Variants in SIPA1L1 observed in about 807,000 individuals in gnomAD.
The protein encoded by SIPA1L1 is signal-induced proliferation-associated 1-like protein 1.
A neutral mutation model predicts 162.7 loss-of-function variants in SIPA1L1; 26 were observed. That is an observed-to-expected ratio of 0.16 (90% CI 0.12 to 0.22). The LOEUF (loss-of-function observed/expected upper bound fraction) is 0.22. SIPA1L1 is among the 10% of genes least tolerant of loss of function. The pLI is 1.00. For synonymous variants in SIPA1L1, 829 were observed against 837.4 expected (o/e 0.99, Z 0.17); for missense variants, 1,874 against 2,241.0 (o/e 0.84, Z 3.31).
chr14:71,373,310 CAAAA>C (rs75480788), intron 2 of SIPA1L1, among the ~76,000 whole-genome samples: 5 of 74,116 alleles, frequency 6.7e-5, no homozygotes, highest in African/African-American at 1.5e-4. Flanking sequence ...GACTCCGTCT[CAAAA>C]AAAAAAAAAA....
At chr14:71,639,906 G>GT (rs975414202) in intron 7 of SIPA1L1, among the ~76,000 whole-genome samples, 3 of 92,856 alleles carry the variant, frequency 3.2e-5, no homozygotes, top group Non-Finnish European at 6.1e-5. Context: ...GGGTTTTTTT[G>GT]TTTTTTTGTT....
chr14:71,552,493 G>A lies in SIPA1L1; in HGVS notation c.-303+23123G>A, dbSNP rs183304043. On this transcript the variant is annotated intron_variant, in intron 4 of 23. Coordinates refer to ENST00000381232, the MANE Select transcript of SIPA1L1 (RefSeq NM_001386936.1). ...TGCAAGCTCCGCCTCCCAGGTTCAC[G>A]ACATTCTCCTGCCTCAGCCTCCCGA... Among the ~76,000 whole-genome samples, 125 of 151,258 alleles carry A rather than the reference G, an allele frequency of 8.3e-4. 1 individual carries two copies. In the East Asian group the frequency reaches 0.011, roughly 13 times the overall value.
chr14:71,703,928 A>G (rs767862775), intron 15 of SIPA1L1, among the ~76,000 whole-genome samples: 1 of 152,146 alleles, frequency 6.6e-6, no homozygotes, highest in Non-Finnish European at 1.5e-5. Context: ...CCCACTCTTA[A>G]TAGATAAGAC....
At chr14:71,509,471 G>A (rs767868285) in intron 2 of SIPA1L1, among the ~76,000 whole-genome samples, 2 of 152,150 alleles carry the variant, frequency 1.3e-5, no homozygotes, top group Admixed American at 6.5e-5. Context: ...AGCTGGGCAC[G>A]GTGGCTCACG....
At chr14:71,356,212 T>A (rs1176358806) in intron 2 of SIPA1L1, among the ~76,000 whole-genome samples, 1 of 152,144 alleles carries the variant, frequency 6.6e-6, no homozygotes, top group East Asian at 1.9e-4. Context: ...ACCCCCAATT[T>A]GCTTATTTGC....
chr14:71,446,924 T>TA (rs2045437521), intron 2 of SIPA1L1, among the ~76,000 whole-genome samples: 1 of 114,122 alleles, frequency 8.8e-6, no homozygotes, highest in Admixed American at 9.1e-5. Context: ...TTTTTTTTTT[T>TA]TTTTTGAGAC....
rs907763664 is a variant in SIPA1L1 at position 71,344,844 on chromosome 14, G to A, written c.-465+23663G>A. Reference sequence around the variant, plus strand: ...GTCTCCCAAACTGCTAGGAGGTGTCGTGAGCCACTGTGCCTGGCATGCCAA... The same window carrying A: ...GTCTCCCAAACTGCTAGGAGGTGTCATGAGCCACTGTGCCTGGCATGCCAA... On this transcript the variant is annotated intron_variant, in intron 2 of 23. Coordinates refer to ENST00000381232, the MANE Select transcript of SIPA1L1 (RefSeq NM_001386936.1). Among the ~76,000 whole-genome samples, 7 of 152,144 alleles carry A rather than the reference G, an allele frequency of 4.6e-5. No homozygotes were observed. The East Asian group carries it at 7.7e-4, about 17-fold the overall frequency.
At position 71,538,071 on chromosome 14, in the gene SIPA1L1, T is replaced by C. The variant is rs554689113; in HGVS notation, c.-303+8701T>C. ...AAGATTCACTCTCTCCTTTCTAATTTCTTACCAGATGAATTCCTCCTTCAT... is the reference window on the plus strand; with the variant it reads ...AAGATTCACTCTCTCCTTTCTAATTCCTTACCAGATGAATTCCTCCTTCAT... On this transcript the variant is annotated intron_variant, in intron 4 of 23. Transcript: ENST00000381232. Among the ~76,000 whole-genome samples the C allele has an allele frequency of 5.9e-5, 9 of 152,338 alleles. No homozygotes were observed. The South Asian group carries it at 1.5e-3, about 25-fold the overall frequency.
At chr14:71,465,925 T>C (rs2142028143) in intron 2 of SIPA1L1, among the ~76,000 whole-genome samples, 1 of 152,264 alleles carries the variant, frequency 6.6e-6, no homozygotes, top group Non-Finnish European at 1.5e-5. Context: ...AGTCTCGCCT[T>C]TTCACATTCT....
intron 4 of SIPA1L1, chr14:71,576,432 G>T (rs1381374064): frequency 6.6e-6 from 1 of 152,220 alleles, no homozygotes; most frequent in Admixed American, 6.5e-5. Context: ...TATTGAACAA[G>T]CATGCTCTGA....
chr14:71,614,768 C>CA (rs1033747276), intron 5 of SIPA1L1, among the ~76,000 whole-genome samples: 4 of 151,960 alleles, frequency 2.6e-5, no homozygotes, highest in African/African-American at 9.7e-5. Flanking sequence ...GGAAAAGTTA[C>CA]AAAAAAATGT....
chr14:71,733,925 G>T, intron 21 of SIPA1L1, 113 bp downstream of exon 21: 1 of 1,158,060 alleles, frequency 8.6e-7, no homozygotes, highest in Non-Finnish European at 1.2e-6. Context: ...CACCAGATGA[G>T]CTATCAGTTA....
At chr14:71,637,175 A>T (rs1183005171) in intron 7 of SIPA1L1, among the ~76,000 whole-genome samples, 1 of 151,578 alleles carries the variant, frequency 6.6e-6, no homozygotes, top group African/African-American at 2.4e-5. Context: ...CTTTGAAAAG[A>T]TGATAAAATT....
At chr14:71,390,595 T>C (rs1375002355) in intron 2 of SIPA1L1, among the ~76,000 whole-genome samples, 1 of 151,964 alleles carries the variant, frequency 6.6e-6, no homozygotes, top group African/African-American at 2.4e-5. Flanking sequence ...CTGGACAACA[T>C]GGTGAAGCCC....
At chr14:71,520,262 A>G (rs1011533087) in intron 3 of SIPA1L1, among the ~76,000 whole-genome samples, 4 of 152,250 alleles carry the variant, frequency 2.6e-5, no homozygotes, top group Admixed American at 2.6e-4. Context: ...AGCCTGGCAG[A>G]TACCACCTTA....
intron 5 of SIPA1L1, among the ~76,000 whole-genome samples, chr14:71,602,630 A>G (rs1273249471): frequency 6.6e-6 from 1 of 152,214 alleles, no homozygotes; most frequent in Non-Finnish European, 1.5e-5. Context: ...TTCTGTCTGG[A>G]TGATCTGTCT....
At chr14:71,549,482 A>T (rs2041953653) in intron 4 of SIPA1L1, among the ~76,000 whole-genome samples, 1 of 151,948 alleles carries the variant, frequency 6.6e-6, no homozygotes, top group Non-Finnish European at 1.5e-5. Flanking sequence ...TTCTCTTATT[A>T]TTTCTGCCTA....
intron 2 of SIPA1L1, among the ~76,000 whole-genome samples, chr14:71,349,150 G>T (rs929399176): frequency 4.6e-5 from 7 of 152,214 alleles, no homozygotes; most frequent in African/African-American, 9.6e-5. Context: ...AACTTTCTAT[G>T]CTTACATTTG....
intron 6 of SIPA1L1, among the ~76,000 whole-genome samples, chr14:71,621,757 C>G (rs1596469261): frequency 6.6e-6 from 1 of 152,128 alleles, no homozygotes; most frequent in African/African-American, 2.4e-5. Context: ...TCAAATGGTG[C>G]CTTGCCTCCC....
Sources: allele counts gnomAD v4.1 joint callset (sites outside exome capture counted in the v4.1 genomes callset), GRCh38; gene constraint gnomAD v4.1.1; transcripts MANE v1.5; gene names NCBI Gene and HGNC (gene_info 2026-07-23, HGNC 2026-07-21).